ANKRD36C: variants seen among roughly 807,000 people sequenced by gnomAD.
ANKRD36C encodes ankyrin repeat domain-containing protein 36C.
In ANKRD36C, 61 loss-of-function variants were observed where a neutral mutation model predicts 276.4. That is an observed-to-expected ratio of 0.22 (90% CI 0.18 to 0.27). The LOEUF (loss-of-function observed/expected upper bound fraction) is 0.27, where lower values mean the gene tolerates loss of function less well. Ranked by LOEUF, ANKRD36C falls within the 10% of genes least tolerant of loss-of-function variation. The pLI, the probability that ANKRD36C is intolerant of heterozygous loss-of-function variation, is 1.00. For missense variants in ANKRD36C, 1,447 were observed against 2,032.3 expected (o/e 0.71, Z 5.54); for synonymous variants, 483 against 680.1 (o/e 0.71, Z 4.51).
At chr2:95,932,453 C>T (rs1454551021) in intron 24 of ANKRD36C, among the ~76,000 whole-genome samples, 1 of 151,874 alleles carries the variant, frequency 6.6e-6, no homozygotes, top group African/African-American at 2.4e-5. Flanking sequence ...TCATTAAGTG[C>T]ACTGCCTGAA....
At chr2:95,849,507 G>A (rs968833058), downstream of ANKRD36C, among the ~76,000 whole-genome samples, 9 of 152,196 alleles carry the variant, frequency 5.9e-5, no homozygotes, top group Non-Finnish European at 1.0e-4. Flanking sequence ...TTCCACAGAT[G>A]GGGGTTTGGG....
chr2:95,985,181 A>G (rs1679004236), intron 3 of ANKRD36C, among the ~76,000 whole-genome samples: 1 of 152,240 alleles, frequency 6.6e-6, no homozygotes, highest in Non-Finnish European at 1.5e-5. Flanking sequence ...GCAGTGAATA[A>G]GTGATGGTGG....
Position 95,910,452 on chromosome 2 carries a change from A to C in ANKRD36C, c.2653+1792T>G. Reference sequence around the variant, plus strand: ...CTTCCTCGTCACTTGTAGCCTGAATAGAATTTGAAACGAAATAATAAATAA... The same window carrying C: ...CTTCCTCGTCACTTGTAGCCTGAATCGAATTTGAAACGAAATAATAAATAA... On this transcript the variant is annotated intron_variant, in intron 42 of 66. Transcript: ENST00000456556. 1 of 1,575,118 alleles carries C rather than the reference A, an allele frequency of 6.3e-7. No homozygotes were observed. Among genetic ancestry groups the C allele is most frequent in the Non-Finnish European group, 8.6e-7 (1 of 1,160,864 alleles).
intron 13 of ANKRD36C, among the ~76,000 whole-genome samples, chr2:95,956,127 A>T (rs1266490182): frequency 2.6e-5 from 4 of 152,210 alleles, no homozygotes; most frequent in African/African-American, 9.6e-5. Flanking sequence ...TGAATTAGAA[A>T]TATCATTTTA....
At chr2:95,888,198 T>A in intron 48 of ANKRD36C, 78 bp from the exon 69 acceptor site, 1 of 1,592,446 alleles carries the variant, frequency 6.3e-7, no homozygotes, top group Non-Finnish European at 8.6e-7. Flanking sequence ...ACTGTTGGCA[T>A]CAAGATGTAT....
chr2:95,908,640 G>C, intron 42 of ANKRD36C, 29 bp downstream of exon 47: 4 of 1,564,726 alleles, frequency 2.6e-6, no homozygotes, highest in East Asian at 2.4e-5. Flanking sequence ...ACATTTACTA[G>C]TTCACAACAT....
intron 44 of ANKRD36C, 122 bp from the exon 61 acceptor site, chr2:95,895,712 T>G (rs1447992306): frequency 1.3e-6 from 2 of 1,501,818 alleles, no homozygotes; most frequent in African/African-American, 2.8e-5. Flanking sequence ...CTTTCATGGC[T>G]TCTACTTTGT....
Position 95,868,292 on chromosome 2 carries a change from T to A in ANKRD36C, c.3541-711A>T, listed in dbSNP as rs555430134. On this transcript the variant is annotated intron_variant, in intron 59 of 66. Coordinates refer to ENST00000456556, the Ensembl canonical transcript of ANKRD36C. ...ACAACAGAAACACCATCATCTTTTT[T>A]TTTTTTTTTAAATCACATGCTTCAT... is the stretch of plus-strand genomic sequence containing the variant. Among the ~76,000 whole-genome samples, 265 of 150,334 alleles carry A rather than the reference T, an allele frequency of 1.8e-3. 1 individual carries two copies. Among genetic ancestry groups the A allele is most frequent in the African/African-American group, 5.7e-3 (236 of 41,240 alleles).
At chr2:95,867,273 T>C (rs1008945625) in intron 60 of ANKRD36C, among the ~76,000 whole-genome samples, 167 bp downstream of exon 80, 40 of 152,198 alleles carry the variant, frequency 2.6e-4, no homozygotes, top group Non-Finnish European at 1.2e-4. Context: ...AGCCCTTGGC[T>C]GAGAAGGTAC....
At chr2:95,978,936 C>G (rs2104532740) in intron 5 of ANKRD36C, among the ~76,000 whole-genome samples, 1 of 152,192 alleles carries the variant, frequency 6.6e-6, no homozygotes, top group East Asian at 1.9e-4. Context: ...ACAACTACTA[C>G]TTCTCTACAG....
intron 26 of ANKRD36C, 21 bp from the exon 27 acceptor site, chr2:95,927,430 A>G (rs891315661): frequency 6.2e-7 from 1 of 1,605,606 alleles, no homozygotes; most frequent in South Asian, 1.1e-5. Flanking sequence ...AAAGGGATAC[A>G]TAATCACTCA....
At chr2:95,967,296 C>A (rs1678611492) in intron 6 of ANKRD36C, among the ~76,000 whole-genome samples, 1 of 152,060 alleles carries the variant, frequency 6.6e-6, no homozygotes, top group South Asian at 2.1e-4. Flanking sequence ...AATAAATTTA[C>A]AAGAAATGAT....
At chr2:95,974,252 G>C (rs1279900061) in intron 6 of ANKRD36C, among the ~76,000 whole-genome samples, 3 of 152,110 alleles carry the variant, frequency 2.0e-5, no homozygotes. Flanking sequence ...AAATTTAAAA[G>C]ACATTTAAAG....
Position 95,910,358 on chromosome 2 carries a change from T to A in ANKRD36C, c.2653+1886A>T. On this transcript the variant is annotated intron_variant, in intron 42 of 66. Transcript: ENST00000456556. ...TCTGGACAGAACACGACATTAAATCTGTTTTCAAAATTACCTGTCCTAGAT... is the reference window on the plus strand; with the variant it reads ...TCTGGACAGAACACGACATTAAATCAGTTTTCAAAATTACCTGTCCTAGAT... 1 of 1,532,224 alleles carries A rather than the reference T, an allele frequency of 6.5e-7. No individual in the cohort carries two copies. Among genetic ancestry groups the A allele is most frequent in the Non-Finnish European group, 8.8e-7 (1 of 1,139,662 alleles). 94.9% of individuals were successfully genotyped at this position (1,532,224 alleles called of 1,614,324 possible). A position where few individuals can be genotyped will look rare whatever the true frequency, so the allele number is the denominator to read the frequency against.
chr2:95,852,956 A>T (rs965582029), intron 64 of ANKRD36C: 1 of 152,338 alleles, frequency 6.6e-6, no homozygotes, highest in Admixed American at 6.5e-5. Flanking sequence ...TCCATTAAAC[A>T]TGCCAAAGGA....
chr2:95,889,699 G>C, intron 48 of ANKRD36C, 100 bp downstream of exon 68: 2 of 1,434,936 alleles, frequency 1.4e-6, no homozygotes, highest in Non-Finnish European at 1.9e-6. Flanking sequence ...TACTGAATCA[G>C]AACATGAAGA....
At chr2:95,961,132 T>C (rs887257023) in intron 8 of ANKRD36C, among the ~76,000 whole-genome samples, 4 of 152,190 alleles carry the variant, frequency 2.6e-5, no homozygotes, top group African/African-American at 4.8e-5. Flanking sequence ...AGGTACACAA[T>C]GACAATGGCA....
chr2:95,915,517 T>G (rs2104408610), intron 38 of ANKRD36C, among the ~76,000 whole-genome samples: 1 of 151,630 alleles, frequency 6.6e-6, no homozygotes, highest in Middle Eastern at 3.4e-3. Flanking sequence ...CCTTCCTGCC[T>G]CACAATCCAT....
chr2:95,850,414 T>G (rs1675269008), downstream of ANKRD36C, among the ~76,000 whole-genome samples: 1 of 152,190 alleles, frequency 6.6e-6, no homozygotes, highest in African/African-American at 2.4e-5. Flanking sequence ...CAGGTTTGTG[T>G]CAATATTGTA....
Sources: allele counts gnomAD v4.1 joint callset (sites outside exome capture counted in the v4.1 genomes callset), GRCh38; gene constraint gnomAD v4.1.1; transcripts MANE v1.5; gene names NCBI Gene and HGNC (gene_info 2026-07-23, HGNC 2026-07-21).